Variants in RIPK2 observed in about 807,000 individuals in gnomAD.
RIPK2 encodes receptor-interacting serine/threonine-protein kinase 2.
A neutral mutation model predicts 60.9 loss-of-function variants in RIPK2; 38 were observed. The ratio of observed to expected loss-of-function variants is 0.62; its 90% CI spans 0.48 to 0.82. The LOEUF (loss-of-function observed/expected upper bound fraction) is 0.82, where lower values mean the gene tolerates loss of function less well. Ranked by LOEUF, RIPK2 falls within the 40% of genes least tolerant of loss-of-function variation. The pLI is 0.00. For missense variants in RIPK2, 518 were observed against 647.0 expected, an observed-to-expected ratio of 0.80 and a Z score of 2.16; for synonymous variants, 225 against 223.4, an observed-to-expected ratio of 1.01 and a Z score of -0.06.
intron 6 of RIPK2, among the ~76,000 whole-genome samples, chr8:89,774,511 T>C (rs997181416): frequency 3.3e-5 from 5 of 152,150 alleles, no homozygotes; most frequent in Admixed American, 6.6e-5. Context: ...AAGATAAATT[T>C]ACCATACAAC....
rs751862169 is a variant in RIPK2 at position 89,784,027 on chromosome 8, A to G, written c.940-23A>G. The G allele has an allele frequency of 2.2e-5, 28 of 1,253,848 alleles. 1 individual carries two copies. The South Asian group carries it at 2.9e-4, about 13-fold the overall frequency. 77.7% of individuals were successfully genotyped at this position (1,253,848 alleles called of 1,614,324 possible). A position where few individuals can be genotyped will look rare whatever the true frequency, so the allele number is the denominator to read the frequency against. On this transcript the variant is annotated intron_variant, in intron 7 of 10. Coordinates refer to ENST00000220751, the MANE Select transcript of RIPK2 (RefSeq NM_003821.6). ...CTAATCATCTCCAGTTAAAGTGTAT[A>G]TATATTTATGTATTCATTACAGTTA...
chr8:89,769,513 C>T (rs1809279400), intron 3 of RIPK2, among the ~76,000 whole-genome samples: 1 of 151,782 alleles, frequency 6.6e-6, no homozygotes, highest in Non-Finnish European at 1.5e-5. Flanking sequence ...GCTCAATTTT[C>T]AAAAATTAGT....
intron 1 of RIPK2, among the ~76,000 whole-genome samples, chr8:89,760,959 G>C (rs1165696665): frequency 6.6e-6 from 1 of 152,112 alleles, no homozygotes; most frequent in African/African-American, 2.4e-5. Flanking sequence ...TTTCCATCTA[G>C]GGAATAAACA....
intron 1 of RIPK2, among the ~76,000 whole-genome samples, chr8:89,761,712 T>TAAA (rs56259992): frequency 4.8e-5 from 7 of 146,676 alleles, no homozygotes; most frequent in African/African-American, 1.8e-4. Flanking sequence ...TCTGGTCTGT[T>TAAA]AAAAAAAAAA....
At chr8:89,780,959 A>G (rs1291830126) in intron 7 of RIPK2, among the ~76,000 whole-genome samples, 2 of 150,330 alleles carry the variant, frequency 1.3e-5, no homozygotes, top group East Asian at 2.0e-4. Context: ...TTTTTTTTTA[A>G]TATTACTCAA....
intron 10 of RIPK2, 52 bp from the exon 11 acceptor site, chr8:89,790,027 G>T: frequency 2.4e-6 from 3 of 1,251,314 alleles, no homozygotes; most frequent in South Asian, 1.6e-5. Context: ...TTTACTTATT[G>T]CTATGTATCT....
rs1186900997 is a variant in RIPK2, at chr8:89,757,982, G to C, written c.-79G>C. 1 of 1,454,688 alleles carries C rather than the reference G, an allele frequency of 6.9e-7. No individual in the cohort carries two copies. Among genetic ancestry groups the C allele is most frequent in the African/African-American group, 1.4e-5 (1 of 69,734 alleles). The allele number at this position is 1,454,688 out of a possible 1,614,324, so 90.1% of individuals were successfully genotyped here. A position where few individuals can be genotyped will look rare whatever the true frequency, so the allele number is the denominator to read the frequency against. ...CTCGCTCGTGCAGGGGCGTATCTGGGCGCCTGAGCGCGGCGTGGGAGCCTT... is the reference window on the plus strand; with the variant it reads ...CTCGCTCGTGCAGGGGCGTATCTGGCCGCCTGAGCGCGGCGTGGGAGCCTT... On this transcript the variant is annotated 5_prime_UTR_variant, in exon 1 of 11. Transcript: ENST00000220751.
intron 7 of RIPK2, among the ~76,000 whole-genome samples, chr8:89,782,126 G>A (rs1436541720): frequency 6.6e-6 from 1 of 152,096 alleles, no homozygotes; most frequent in Non-Finnish European, 1.5e-5. Flanking sequence ...GGGTGACAGA[G>A]TGAGACCCTG....
At chr8:89,779,118 T>G (rs1205461323) in intron 6 of RIPK2, among the ~76,000 whole-genome samples, 1 of 152,132 alleles carries the variant, frequency 6.6e-6, no homozygotes, top group Non-Finnish European at 1.5e-5. Flanking sequence ...ATCTTTTACT[T>G]GTTTTTTAAT....
chr8:89,764,408 A>G (rs1809193180), intron 2 of RIPK2, among the ~76,000 whole-genome samples: 1 of 152,186 alleles, frequency 6.6e-6, no homozygotes, highest in Admixed American at 6.5e-5. Context: ...CAGATTGATC[A>G]CTGAACTATA....
At position 89,771,823 on chromosome 8, in the gene RIPK2, ACAT is replaced by A. The variant is rs760807755; in HGVS notation, c.691+37_691+39del. 8 of 1,367,898 alleles carry A rather than the reference ACAT, an allele frequency of 5.8e-6. No individual in the cohort carries two copies. The Admixed American group carries it at 1.2e-4, about 21-fold the overall frequency. The allele number at this position is 1,367,898 out of a possible 1,614,324, so 84.7% of individuals were successfully genotyped here. On this transcript the variant is annotated intron_variant, in intron 5 of 10. Coordinates refer to ENST00000220751, the MANE Select transcript of RIPK2 (RefSeq NM_003821.6). ...TGGTTTGACTTTTTTATGCTCAATA[ACAT>A]CATGTTAGTAGGTCACTCTCAGAAC...
intron 3 of RIPK2, among the ~76,000 whole-genome samples, chr8:89,767,366 T>A (rs1218812698): frequency 2.6e-5 from 4 of 151,688 alleles, no homozygotes; most frequent in Admixed American, 6.6e-5. Context: ...ATAAAAAATG[T>A]TCAAAGAAAT....
At chr8:89,771,841 A>G (rs750317580) in intron 5 of RIPK2, 51 bp downstream of exon 5, 1 of 1,070,782 alleles carries the variant, frequency 9.3e-7, no homozygotes, top group African/African-American at 1.6e-5. Context: ...TTAGTAGGTC[A>G]CTCTCAGAAC....
chr8:89,771,228 T>C (rs557688096), intron 4 of RIPK2, among the ~76,000 whole-genome samples: 43 of 151,994 alleles, frequency 2.8e-4, no homozygotes, highest in African/African-American at 9.9e-4. Context: ...ATGGTTAATG[T>C]TGGGGTGTGG....
chr8:89,757,938 C>T lies in RIPK2; in HGVS notation c.-123C>T, dbSNP rs1809071330. ...GCCCTCGTGACCTAGTGTTGCGGGG[C>T]AAAAAGGGTCTTGCCGGCCTCGCTC... On this transcript the variant is annotated 5_prime_UTR_variant, in exon 1 of 11. Transcript: ENST00000220751. The T allele has an allele frequency of 5.0e-6, 7 of 1,408,400 alleles. No individual in the cohort carries two copies. The highest frequency in any genetic ancestry group is 3.1e-5 in the South Asian group (2 of 65,390). The allele number at this position is 1,408,400 out of a possible 1,614,324, so 87.2% of individuals were successfully genotyped here.
chr8:89,759,187 A>G (rs58972679), intron 1 of RIPK2: 11,550 of 373,606 alleles, frequency 0.031, 937 homozygotes, highest in African/African-American at 0.19. Flanking sequence ...GCTTTCACTT[A>G]TTGGTTTGTA....
At chr8:89,775,424 T>C (rs1809381106) in intron 6 of RIPK2, among the ~76,000 whole-genome samples, 1 of 151,888 alleles carries the variant, frequency 6.6e-6, no homozygotes, top group South Asian at 2.1e-4. Context: ...GCACTTGCAC[T>C]CCAGCCTAGC....
chr8:89,777,006 G>A (rs186099754), intron 6 of RIPK2, among the ~76,000 whole-genome samples: 5 of 152,338 alleles, frequency 3.3e-5, no homozygotes, highest in East Asian at 1.9e-4. Context: ...GCAGCATGGG[G>A]AGAGGAAACA....
At chr8:89,774,012 T>C (rs1586125309) in intron 6 of RIPK2, among the ~76,000 whole-genome samples, 1 of 151,996 alleles carries the variant, frequency 6.6e-6, no homozygotes, top group African/African-American at 2.4e-5. Flanking sequence ...CCCAGGAGTT[T>C]GAGGATGTGT....
Sources: allele counts gnomAD v4.1 joint callset (sites outside exome capture counted in the v4.1 genomes callset), GRCh38; gene constraint gnomAD v4.1.1; transcripts MANE v1.5; gene names NCBI Gene and HGNC (gene_info 2026-07-23, HGNC 2026-07-21).